Variants in PCDH9 observed in about 807,000 individuals in gnomAD.
PCDH9 encodes the protein protocadherin-9.
In PCDH9, 24 loss-of-function variants were observed where a neutral mutation model predicts 70.6. That is an observed-to-expected ratio of 0.34 (90% CI 0.25 to 0.48). The LOEUF is 0.48. PCDH9 is among the 20% of genes least tolerant of loss of function. The probability of loss-of-function intolerance (pLI) is 0.99; values close to 1 mark genes in which losing one functional copy is unlikely to be tolerated. For missense variants in PCDH9, 1,281 were observed against 1,503.6 expected, an observed-to-expected ratio of 0.85 and a Z score of 2.45; for synonymous variants, 562 against 558.5, an observed-to-expected ratio of 1.01 and a Z score of -0.09.
At chr13:67,060,623 T>C (rs1291297718) in intron 2 of PCDH9, among the ~76,000 whole-genome samples, 2 of 152,120 alleles carry the variant, frequency 1.3e-5, no homozygotes, top group Non-Finnish European at 2.9e-5. Context: ...TATCACCATA[T>C]AATAGAAATA....
intron 3 of PCDH9, among the ~76,000 whole-genome samples, chr13:66,883,467 A>G (rs2081954957): frequency 1.3e-5 from 2 of 152,324 alleles, no homozygotes; most frequent in South Asian, 4.1e-4. Context: ...TAACAAAAAC[A>G]GCCATATTTC....
intron 4 of PCDH9, among the ~76,000 whole-genome samples, chr13:66,521,740 A>C (rs894915880): frequency 6.6e-6 from 1 of 152,130 alleles, no homozygotes; most frequent in African/African-American, 2.4e-5. Context: ...TAGAGGACTT[A>C]CTTTAGAAAA....
chr13:67,115,055 G>A (rs74095318), intron 2 of PCDH9, among the ~76,000 whole-genome samples: 1,577 of 152,178 alleles, frequency 0.01, 29 homozygotes, highest in African/African-American at 0.036. Flanking sequence ...ATTTAAACTG[G>A]AGAAAAATAA....
At chr13:67,193,885 T>G (rs1220174059) in intron 2 of PCDH9, among the ~76,000 whole-genome samples, 1 of 152,116 alleles carries the variant, frequency 6.6e-6, no homozygotes, top group Non-Finnish European at 1.5e-5. Context: ...TAAGTCAGAT[T>G]TTATTATACA....
chr13:67,049,935 CT>C (rs796960211), intron 2 of PCDH9, among the ~76,000 whole-genome samples: 73 of 152,212 alleles, frequency 4.8e-4, no homozygotes, highest in African/African-American at 1.7e-3. Flanking sequence ...TGTTTCTTGC[CT>C]TCTGAGAACA....
chr13:66,991,901 T>A (rs955392929), intron 2 of PCDH9, among the ~76,000 whole-genome samples: 1 of 152,134 alleles, frequency 6.6e-6, no homozygotes, highest in African/African-American at 2.4e-5. Flanking sequence ...AGAAGTCTCA[T>A]GCATTAATGT....
In PCDH9 at chr13:66,875,803, C is replaced by G. The variant is rs114285933; in HGVS notation, c.3138+27701G>C. Among the ~76,000 whole-genome samples, 1,287 of 152,266 alleles carry G rather than the reference C, an allele frequency of 8.5e-3. 19 individuals are homozygous for G. The highest frequency in any genetic ancestry group is 0.029 in the African/African-American group (1,223 of 41,546). On this transcript the variant is annotated intron_variant, in intron 3 of 4. Coordinates refer to ENST00000377865, the MANE Select transcript of PCDH9 (RefSeq NM_203487.3). ...GGTGAAGAGACCCTGGACAACTATT[C>G]ATACTGGAATGTATAGATTATTAAA...
intron 4 of PCDH9, among the ~76,000 whole-genome samples, chr13:66,439,302 T>A (rs1046658006): frequency 5.3e-5 from 8 of 152,238 alleles, no homozygotes; most frequent in African/African-American, 1.9e-4. Context: ...GCATTTGTTA[T>A]CTCATCTATA....
At chr13:66,367,660 A>G (rs9592461) in intron 4 of PCDH9, among the ~76,000 whole-genome samples, 70,811 of 151,970 alleles carry the variant, frequency 0.47, 16,755 homozygotes, top group Non-Finnish European at 0.51. Flanking sequence ...AGGGAGCTGC[A>G]TGGTGTGATA....
rs1479770418 is a variant in PCDH9, at chr13:66,602,281, T to C, written c.3340+28929A>G. Among the ~76,000 whole-genome samples the C allele has an allele frequency of 3.4e-5, 5 of 146,622 alleles. 1 individual carries two copies. The highest frequency in any genetic ancestry group is 1.2e-4 in the African/African-American group (5 of 40,666). On this transcript the variant is annotated intron_variant, in intron 4 of 4. Coordinates refer to ENST00000377865, the MANE Select transcript of PCDH9 (RefSeq NM_203487.3). ...GTGTTGGGCCACATTCAAAGCCTCCTGGGCTGCATGTGGCCCACAGGCTGT... is the reference window on the plus strand; with the variant it reads ...GTGTTGGGCCACATTCAAAGCCTCCCGGGCTGCATGTGGCCCACAGGCTGT...
At chr13:66,957,412 T>G (rs1391633810) in intron 2 of PCDH9, among the ~76,000 whole-genome samples, 1 of 152,122 alleles carries the variant, frequency 6.6e-6, no homozygotes, top group African/African-American at 2.4e-5. Context: ...CTCATTGACG[T>G]TTTTGACAGA....
At chr13:67,049,896 A>C (rs1485295107) in intron 2 of PCDH9, among the ~76,000 whole-genome samples, 1 of 152,234 alleles carries the variant, frequency 6.6e-6, no homozygotes, top group Non-Finnish European at 1.5e-5. Context: ...AGACAACAAG[A>C]CAAGATATCC....
intron 3 of PCDH9, among the ~76,000 whole-genome samples, chr13:66,655,248 T>C (rs997331879): frequency 6.6e-6 from 1 of 152,002 alleles, no homozygotes; most frequent in African/African-American, 2.4e-5. Flanking sequence ...GTGTGACAAA[T>C]GGTAAAACTC....
At chr13:67,150,828 C>T (rs1237452228) in intron 2 of PCDH9, among the ~76,000 whole-genome samples, 2 of 152,110 alleles carry the variant, frequency 1.3e-5, no homozygotes, top group Non-Finnish European at 2.9e-5. Flanking sequence ...TGTATCTTTC[C>T]ACTGCACTAC....
intron 3 of PCDH9, among the ~76,000 whole-genome samples, chr13:66,820,119 T>A (rs918147474): frequency 6.6e-6 from 1 of 152,088 alleles, no homozygotes; most frequent in Non-Finnish European, 1.5e-5. Flanking sequence ...TTCCATATAT[T>A]AGGATACAAA....
intron 3 of PCDH9, among the ~76,000 whole-genome samples, chr13:66,666,577 A>G (rs1163997973): frequency 1.3e-5 from 2 of 152,198 alleles, no homozygotes; most frequent in Non-Finnish European, 2.9e-5. Context: ...ACCTAGAAGG[A>G]GACAATAAAT....
rs117864590 is a variant in PCDH9, at chr13:67,048,284, T to A, written c.3037-144679A>T. ...GCTTGACTGGGTATATGTTTCCCCA[T>A]CCATAAATCCATCCCTCTCCCAAGT... On this transcript the variant is annotated intron_variant, in intron 2 of 4. Coordinates refer to ENST00000377865, the MANE Select transcript of PCDH9 (RefSeq NM_203487.3). Among the ~76,000 whole-genome samples the A allele has an allele frequency of 6.4e-4, 97 of 152,240 alleles. 1 individual carries two copies. In the East Asian group the frequency reaches 0.016, roughly 25 times the overall value.
chr13:66,762,625 C>T (rs1448785887), intron 3 of PCDH9, among the ~76,000 whole-genome samples: 2 of 151,950 alleles, frequency 1.3e-5, no homozygotes, highest in African/African-American at 2.4e-5. Flanking sequence ...GTTTCCTTAC[C>T]TCTTGTCAGG....
intron 3 of PCDH9, among the ~76,000 whole-genome samples, chr13:66,658,564 A>G (rs541636611): frequency 6.6e-6 from 1 of 152,286 alleles, no homozygotes; most frequent in South Asian, 2.1e-4. Flanking sequence ...CAGATTTAAA[A>G]TGCCAAAATC....
Sources: allele counts gnomAD v4.1 joint callset (sites outside exome capture counted in the v4.1 genomes callset), GRCh38; gene constraint gnomAD v4.1.1; transcripts MANE v1.5; gene names NCBI Gene and HGNC (gene_info 2026-07-23, HGNC 2026-07-21).